Variants in EPB41 observed in about 807,000 individuals in gnomAD.
EPB41 encodes the protein protein 4.1.
Under a neutral mutation model 108.0 loss-of-function variants are expected in EPB41, and 65 were observed. That is an observed-to-expected ratio of 0.60 (90% CI 0.49 to 0.74). The LOEUF is 0.74. EPB41 is among the 30% of genes least tolerant of loss of function. The pLI is 0.00. For synonymous variants in EPB41, 336 were observed against 358.9 expected (o/e 0.94, Z 0.72); for missense variants, 875 against 1,037.0 (o/e 0.84, Z 2.15).
At chr1:28,978,967 C>T (rs1443683241) in intron 1 of EPB41, among the ~76,000 whole-genome samples, 1 of 151,372 alleles carries the variant, frequency 6.6e-6, no homozygotes, top group Non-Finnish European at 1.5e-5. Flanking sequence ...GACTTCTCAG[C>T]CACCACAATC....
At chr1:28,920,261 T>C (rs1231241192) in intron 1 of EPB41, among the ~76,000 whole-genome samples, 2 of 152,218 alleles carry the variant, frequency 1.3e-5, no homozygotes, top group East Asian at 1.9e-4. Flanking sequence ...TTATCTAATA[T>C]CTATTAATAG....
intron 11 of EPB41, among the ~76,000 whole-genome samples, chr1:29,047,630 A>G (rs192859602): frequency 1.3e-5 from 2 of 152,128 alleles, no homozygotes; most frequent in East Asian, 1.9e-4. Context: ...TATCTTTTCA[A>G]TATCTGTAAG....
chr1:29,025,222 A>G (rs775557847), intron 7 of EPB41, among the ~76,000 whole-genome samples: 1 of 152,022 alleles, frequency 6.6e-6, no homozygotes, highest in Non-Finnish European at 1.5e-5. Context: ...TCCCCCACTT[A>G]ATTCTTTGAA....
At chr1:28,981,053 G>A (rs1017766802) in intron 1 of EPB41, among the ~76,000 whole-genome samples, 5 of 152,134 alleles carry the variant, frequency 3.3e-5, no homozygotes, top group South Asian at 2.1e-4. Context: ...GATTACAGGC[G>A]TGAGCCACCG....
intron 10 of EPB41, among the ~76,000 whole-genome samples, chr1:29,038,547 C>G (rs1640340431): frequency 6.6e-6 from 1 of 152,112 alleles, no homozygotes; most frequent in African/African-American, 2.4e-5. Context: ...TAATTTATGT[C>G]CTTATTCAAC....
At chr1:29,013,405 A>T (rs965035491) in intron 5 of EPB41, among the ~76,000 whole-genome samples, 6 of 152,152 alleles carry the variant, frequency 3.9e-5, no homozygotes, top group African/African-American at 1.4e-4. Flanking sequence ...GAAAAACACC[A>T]TGTCCCTCAC....
chr1:28,892,093 CAAAAAAAAAAAAA>C (rs748788169), intron 1 of EPB41, among the ~76,000 whole-genome samples: 1 of 69,810 alleles, frequency 1.4e-5, no homozygotes, highest in Non-Finnish European at 2.6e-5. Context: ...GACTGCATCT[CAAAAAAAAAAAAA>C]AAAAAAAAAG....
intron 2 of EPB41, among the ~76,000 whole-genome samples, chr1:28,989,838 A>T (rs1352900899): frequency 1.3e-5 from 2 of 152,236 alleles, no homozygotes; most frequent in Non-Finnish European, 2.9e-5. Flanking sequence ...AAAAGCTCTT[A>T]AAACATTGCC....
intron 8 of EPB41, among the ~76,000 whole-genome samples, chr1:29,030,968 G>T (rs902743647): frequency 6.6e-6 from 1 of 151,744 alleles, no homozygotes. Flanking sequence ...GACTACAGGC[G>T]CCAGCTACCA....
chr1:28,987,992 G>T lies in EPB41; in HGVS notation c.468+87G>T, dbSNP rs1571999626. 6.4e-6 allele frequency: 9 copies of T among 1,408,258 alleles called. No homozygotes were observed. The East Asian group carries it at 2.1e-4, about 33-fold the overall frequency. The allele number at this position is 1,408,258 out of a possible 1,614,324, so 87.2% of individuals were successfully genotyped here. A position where few individuals can be genotyped will look rare whatever the true frequency, so the allele number is the denominator to read the frequency against. On this transcript the variant is annotated intron_variant, in intron 2 of 20. Coordinates refer to ENST00000343067, the MANE Select transcript of EPB41 (RefSeq NM_001376013.1). ...TTTAAGAGTATTTGGGCTGGGCGCG[G>T]TGGCTCATGCCTGTAATTCCACCAC... is the stretch of plus-strand genomic sequence containing the variant.
chr1:28,917,248 C>CTGTG (rs572627121), intron 1 of EPB41, among the ~76,000 whole-genome samples: 18 of 149,672 alleles, frequency 1.2e-4, no homozygotes, highest in African/African-American at 3.4e-4. Context: ...ATCTCTCTCT[C>CTGTG]TGTGTGTGTG....
intron 3 of EPB41, among the ~76,000 whole-genome samples, chr1:28,994,985 TGCAAA>T (rs2149652522): frequency 2.4e-5 from 3 of 126,914 alleles, no homozygotes; most frequent in South Asian, 3.1e-4. Flanking sequence ...ATTATTTATT[TGCAAA>T]TGTAAATATG....
At position 29,058,692 on chromosome 1, in the gene EPB41, GT is replaced by G. The variant is rs773130501; in HGVS notation, c.1902+54del. ...GTTCCTCTTTCCCTCCACCCCCTCA[GT>G]TTTTTTCTTCTCCCTTACTCCCTTT... On this transcript the variant is annotated intron_variant, in intron 13 of 20. Coordinates refer to ENST00000343067, the MANE Select transcript of EPB41 (RefSeq NM_001376013.1). 1.9e-5 allele frequency: 30 copies of G among 1,591,134 alleles called. No individual in the cohort carries two copies. The African/African-American group carries it at 3.4e-4, about 18-fold the overall frequency.
chr1:29,072,001 A>G (rs1030330950), intron 16 of EPB41: 16 of 152,204 alleles, frequency 1.1e-4, no homozygotes, highest in African/African-American at 3.9e-4. Flanking sequence ...TTTGTCCTTC[A>G]ACATCTACCA....
At chr1:29,040,511 C>G (rs1329316907) in intron 11 of EPB41, among the ~76,000 whole-genome samples, 2 of 152,202 alleles carry the variant, frequency 1.3e-5, no homozygotes, top group Non-Finnish European at 2.9e-5. Context: ...AAACTCCTGA[C>G]CTCAGGTTAT....
intron 1 of EPB41, among the ~76,000 whole-genome samples, chr1:28,933,255 A>G (rs2093838059): frequency 6.6e-6 from 1 of 152,232 alleles, no homozygotes; most frequent in Non-Finnish European, 1.5e-5. Context: ...AGCAGAAAAG[A>G]TAGGAAGAGA....
rs2096599064 is a variant in EPB41, at chr1:29,018,017, GAGA to G, written c.906-206_906-204del. Among the ~76,000 whole-genome samples the G allele has an allele frequency of 6.9e-6, 1 of 144,568 alleles. No individual in the cohort carries two copies. Among genetic ancestry groups the G allele is most frequent in the African/African-American group, 2.9e-5 (1 of 34,410 alleles). The allele number at this position is 144,568 out of a possible 152,430, so 94.8% of individuals were successfully genotyped here. On this transcript the variant is annotated intron_variant, in intron 6 of 20. Coordinates refer to ENST00000343067, the MANE Select transcript of EPB41 (RefSeq NM_001376013.1). This position sits in a 1 kb window ranked among gnomAD's most constrained non-coding sequence, Gnocchi z 4.4. Reference sequence around the variant, plus strand: ...AATATGTAAAAATTTCAAACACACAGAGAGAAATAATAGCGCAATGAACTACCA... The same window carrying G: ...AATATGTAAAAATTTCAAACACACAGGAAATAATAGCGCAATGAACTACCA...
chr1:29,002,371 G>A (rs1318142311), intron 4 of EPB41, among the ~76,000 whole-genome samples: 1 of 151,752 alleles, frequency 6.6e-6, no homozygotes, highest in African/African-American at 2.4e-5. Flanking sequence ...AGGATAACCT[G>A]AGCCTGGGAA....
intron 9 of EPB41, 48 bp from the exon 10 acceptor site, chr1:29,035,778 G>T: frequency 7.5e-7 from 1 of 1,339,882 alleles, no homozygotes; most frequent in Admixed American, 1.7e-5. Context: ...ATCTGGTACT[G>T]TATCACATGT....
Sources: gnomAD v4.1 joint callset for allele counts (sites outside exome capture counted in the v4.1 genomes callset) on GRCh38, gnomAD v4.1.1 for gene constraint, Gnocchi (gnomAD v3.1) non-coding constraint, MANE v1.5 for transcripts, NCBI Gene and HGNC (gene_info 2026-07-23, HGNC 2026-07-21) for gene names.